The following CSMD3 variants were observed in gnomAD, a reference collection of about 807,000 sequenced individuals.
CSMD3 encodes the protein CUB and Sushi multiple domains 3.
In CSMD3, 177 loss-of-function variants were observed where a neutral mutation model predicts 435.2. That is an observed-to-expected ratio of 0.41 (90% confidence interval 0.36 to 0.46). The LOEUF (loss-of-function observed/expected upper bound fraction) is 0.46. Among genes scored for constraint, CSMD3 ranks in the 20% least tolerant of loss-of-function variants. The pLI, the probability that CSMD3 is intolerant of heterozygous loss-of-function variation, is 0.34. For missense variants in CSMD3, 4,265 were observed against 4,504.6 expected (o/e 0.95, Z 1.52); for synonymous variants, 1,656 against 1,520.5 (o/e 1.09, Z -2.07).
At chr8:112,799,477 A>G (rs2078910424) in intron 13 of CSMD3, among the ~76,000 whole-genome samples, 2 of 152,038 alleles carry the variant, frequency 1.3e-5, no homozygotes, top group African/African-American at 2.4e-5. Context: ...TAGATTTTTA[A>G]TTGAGCTTAT....
At chr8:112,371,456 C>T (rs539721094) in intron 38 of CSMD3, among the ~76,000 whole-genome samples, 2 of 152,238 alleles carry the variant, frequency 1.3e-5, no homozygotes, top group African/African-American at 4.8e-5. Context: ...AGCACTGTGG[C>T]ATCCCCTACA....
chr8:113,311,366 T>G (rs2132652542), intron 2 of CSMD3: 1 of 152,236 alleles, frequency 6.6e-6, no homozygotes, highest in South Asian at 2.1e-4. Flanking sequence ...GAAATTCTGA[T>G]TATGAATCCC....
At chr8:112,507,273 G>A (rs1822633286) in intron 28 of CSMD3, among the ~76,000 whole-genome samples, 3 of 152,082 alleles carry the variant, frequency 2.0e-5, no homozygotes, top group Non-Finnish European at 2.9e-5. Flanking sequence ...CCTTTATTTA[G>A]TACAGTTATT....
intron 15 of CSMD3, among the ~76,000 whole-genome samples, chr8:112,684,504 A>G (rs568587232): frequency 1.8e-4 from 28 of 152,176 alleles, no homozygotes; most frequent in African/African-American, 6.3e-4. Context: ...AACTCATCCA[A>G]TTGGTCAATA....
intron 16 of CSMD3, among the ~76,000 whole-genome samples, chr8:112,677,180 G>A (rs1472025137): frequency 1.3e-5 from 2 of 151,888 alleles, no homozygotes; most frequent in East Asian, 1.9e-4. Context: ...GAATTCATGT[G>A]AACAAAGACA....
chr8:112,842,898 T>A (rs1373239115), intron 11 of CSMD3, among the ~76,000 whole-genome samples: 1 of 151,808 alleles, frequency 6.6e-6, no homozygotes, highest in Admixed American at 6.6e-5. Flanking sequence ...ACTCTCGTGA[T>A]GTTAAAAAAA....
intron 3 of CSMD3, among the ~76,000 whole-genome samples, chr8:113,233,970 T>C (rs2093119703): frequency 6.6e-6 from 1 of 152,068 alleles, no homozygotes; most frequent in South Asian, 2.1e-4. Context: ...GTAGGTTCTA[T>C]TACTACAGTA....
At chr8:112,845,995 G>A (rs1455756893) in intron 11 of CSMD3, among the ~76,000 whole-genome samples, 1 of 151,896 alleles carries the variant, frequency 6.6e-6, no homozygotes, top group Non-Finnish European at 1.5e-5. Context: ...AAAGAGGCTG[G>A]GGAGGATAAA....
intron 59 of CSMD3, among the ~76,000 whole-genome samples, chr8:112,273,145 C>T (rs946895409): frequency 3.9e-5 from 6 of 152,046 alleles, no homozygotes; most frequent in African/African-American, 1.4e-4. Context: ...GAAGACAATT[C>T]AATAAAAATG....
intron 1 of CSMD3, among the ~76,000 whole-genome samples, chr8:113,393,832 T>A (rs2094471644): frequency 6.6e-6 from 1 of 152,104 alleles, no homozygotes; most frequent in African/African-American, 2.4e-5. Flanking sequence ...TTATTTTTTA[T>A]AAAAATCCTG....
intron 6 of CSMD3, 166 bp downstream of exon 6, chr8:113,018,901 T>C (rs762542677): frequency 2.8e-5 from 18 of 634,372 alleles, no homozygotes; most frequent in African/African-American, 5.5e-5. Context: ...TTTAATACTG[T>C]AATTTAGTTA....
intron 61 of CSMD3, among the ~76,000 whole-genome samples, chr8:112,261,915 A>G (rs528572278): frequency 1.3e-5 from 2 of 152,004 alleles, no homozygotes; most frequent in Non-Finnish European, 2.9e-5. Context: ...TTTAGAAAAA[A>G]AAATACATAT....
chr8:112,542,611 G>A (rs1021394788), intron 27 of CSMD3, among the ~76,000 whole-genome samples: 3 of 151,798 alleles, frequency 2.0e-5, no homozygotes, highest in Non-Finnish European at 2.9e-5. Context: ...CTAAGGAGGT[G>A]ACAGACTTGT....
chr8:112,668,931 A>AAAAAC (rs540916754), intron 16 of CSMD3, among the ~76,000 whole-genome samples: 285 of 152,152 alleles, frequency 1.9e-3, no homozygotes, highest in Middle Eastern at 6.8e-3. Context: ...CTAAATGTAG[A>AAAAAC]AAAACAAAAC....
At chr8:113,017,541 G>A (rs1015727197) in intron 6 of CSMD3, among the ~76,000 whole-genome samples, 2 of 151,860 alleles carry the variant, frequency 1.3e-5, no homozygotes, top group Non-Finnish European at 2.9e-5. Flanking sequence ...AAGATTCCAT[G>A]AATCTAGTAG....
At chr8:112,517,808 G>T (rs1823839013) in intron 27 of CSMD3, among the ~76,000 whole-genome samples, 1 of 152,138 alleles carries the variant, frequency 6.6e-6, no homozygotes, top group Admixed American at 6.6e-5. Context: ...TTCATGCATT[G>T]CTGGTGGGAA....
chr8:112,932,592 T>A (rs1400978318), intron 9 of CSMD3, among the ~76,000 whole-genome samples: 2 of 151,582 alleles, frequency 1.3e-5, no homozygotes, highest in Admixed American at 1.3e-4. Context: ...GAGGCGAGAT[T>A]GTGCCACTGC....
chr8:112,428,290 A>G (rs1443720229), intron 32 of CSMD3, among the ~76,000 whole-genome samples: 3 of 152,184 alleles, frequency 2.0e-5, no homozygotes, highest in African/African-American at 7.2e-5. Context: ...AGAGTATACA[A>G]ATGTAAGTAC....
At chr8:112,940,782 G>A (rs1057414790) in intron 9 of CSMD3, among the ~76,000 whole-genome samples, 3 of 151,770 alleles carry the variant, frequency 2.0e-5, no homozygotes, top group Admixed American at 2.0e-4. Context: ...TATTGATTAC[G>A]TGCAAACAAG....
Sources: allele counts gnomAD v4.1 joint callset (sites outside exome capture counted in the v4.1 genomes callset), GRCh38; gene constraint gnomAD v4.1.1; transcripts MANE v1.5; gene names NCBI Gene and HGNC (gene_info 2026-07-23, HGNC 2026-07-21).